Variants in SETD2 observed in about 807,000 individuals in gnomAD.
SETD2 encodes SET domain containing 2, histone lysine methyltransferase.
Under a neutral mutation model 242.1 loss-of-function variants are expected in SETD2, and 31 were observed. That is an observed-to-expected ratio of 0.13 (90% CI 0.10 to 0.17). SETD2 has a LOEUF of 0.17. SETD2 is among the 10% of genes least tolerant of loss of function. SETD2 has a pLI of 1.00. For synonymous variants in SETD2, 1,006 were observed against 1,066.5 expected, an observed-to-expected ratio of 0.94 and a Z score of 1.11; for missense variants, 2,481 against 3,046.3, an observed-to-expected ratio of 0.81 and a Z score of 4.37.
chr3:47,112,725 G>A (rs917322243), intron 5 of SETD2, among the ~76,000 whole-genome samples: 9 of 151,986 alleles, frequency 5.9e-5, no homozygotes, highest in African/African-American at 2.2e-4. Context: ...AGGTAGCTGG[G>A]ATTATAGGCG....
intron 18 of SETD2, among the ~76,000 whole-genome samples, chr3:47,023,997 T>C (rs545161922): frequency 6.6e-6 from 1 of 152,358 alleles, no homozygotes; most frequent in Non-Finnish European, 1.5e-5. Context: ...CGTATGCCTA[T>C]TTCCCTCTCT....
At chr3:47,100,577 A>T (rs1036925975) in intron 8 of SETD2, among the ~76,000 whole-genome samples, 6 of 152,230 alleles carry the variant, frequency 3.9e-5, no homozygotes, top group Non-Finnish European at 7.4e-5. Flanking sequence ...TTAAGTAGTC[A>T]TTAGAACACA....
At chr3:47,022,572 C>T (rs1421654778) in intron 18 of SETD2, among the ~76,000 whole-genome samples, 2 of 152,258 alleles carry the variant, frequency 1.3e-5, no homozygotes, top group East Asian at 3.9e-4. Flanking sequence ...CATAAAAAAG[C>T]GAGTGCTTCC....
intron 9 of SETD2, among the ~76,000 whole-genome samples, chr3:47,097,086 T>A (rs1190109978): frequency 6.6e-6 from 1 of 152,118 alleles, no homozygotes; most frequent in African/African-American, 2.4e-5. Context: ...AACAGAAAAA[T>A]TGCTGTCATC....
At chr3:47,159,510 T>A (rs1010208081) in intron 1 of SETD2, among the ~76,000 whole-genome samples, 2 of 152,200 alleles carry the variant, frequency 1.3e-5, no homozygotes, top group African/African-American at 4.8e-5. Context: ...ATTACCATCT[T>A]GGTACTGGCA....
At chr3:47,035,341 G>A (rs186088441) in intron 18 of SETD2, among the ~76,000 whole-genome samples, 1 of 152,296 alleles carries the variant, frequency 6.6e-6, no homozygotes. Flanking sequence ...TCCATCTCCA[G>A]CAGAGAGCCT....
chr3:47,100,285 T>TG (rs1559719147), intron 8 of SETD2, among the ~76,000 whole-genome samples: 1 of 150,298 alleles, frequency 6.7e-6, no homozygotes, highest in Non-Finnish European at 1.5e-5. Flanking sequence ...TTTTTTTAGA[T>TG]GGAGTCCCTC....
At position 47,122,366 on chromosome 3, in the gene SETD2, T is replaced by C. The variant is rs2043133930; in HGVS notation, c.2270A>G (p.Gln757Arg). 6.2e-7 allele frequency: 1 copy of C among 1,614,036 alleles called. No individual in the cohort carries two copies. The highest frequency in any genetic ancestry group is 1.3e-5 in the African/African-American group (1 of 74,950). ...AACTGGCATAGACATGAGTTTATCT[T>C]GGTGTGGTGACACCAGAGGTTCTGT... Reference protein sequence around the residue: ...RETEPLVSPHQDKLMSMPVMT... With the variant: ...RETEPLVSPHRDKLMSMPVMT... Residue 757 changes from glutamine (Q) to arginine (R), a missense_variant, in exon 3 of 21, where the codon CAA becomes CGA. This residue lies in a region of SETD2 where 1,300 missense variants were observed against 1,259.2 expected (regional missense o/e 1.03). Coordinates refer to ENST00000409792, the MANE Select transcript of SETD2 (RefSeq NM_014159.7).
At chr3:47,128,372 G>C (rs953235564) in intron 1 of SETD2, among the ~76,000 whole-genome samples, 3 of 152,210 alleles carry the variant, frequency 2.0e-5, no homozygotes, top group African/African-American at 7.2e-5. Context: ...TGTCTACTTG[G>C]AGAAAAGGAA....
intron 16 of SETD2, among the ~76,000 whole-genome samples, chr3:47,044,581 C>T (rs1445246553): frequency 1.3e-5 from 2 of 152,046 alleles, no homozygotes; most frequent in Non-Finnish European, 2.9e-5. Flanking sequence ...GCTGATTTGA[C>T]CATGCTATTC....
chr3:47,156,312 TGAAAAA>T (rs1415408428), intron 1 of SETD2, among the ~76,000 whole-genome samples: 1 of 152,048 alleles, frequency 6.6e-6, no homozygotes, highest in African/African-American at 2.4e-5. Flanking sequence ...GTCACTACAG[TGAAAAA>T]TGACTGAGAA....
intron 1 of SETD2, among the ~76,000 whole-genome samples, chr3:47,142,738 G>A (rs550246455): frequency 1.3e-5 from 2 of 149,476 alleles, no homozygotes; most frequent in African/African-American, 4.9e-5. Flanking sequence ...GCGCAATCTC[G>A]CTCACTGCAA....
chr3:47,072,519 G>C (rs1159496516), intron 12 of SETD2, among the ~76,000 whole-genome samples: 1 of 151,624 alleles, frequency 6.6e-6, no homozygotes, highest in Non-Finnish European at 1.5e-5. Flanking sequence ...CTGAGAAAGA[G>C]AAAAAAAGAC....
At chr3:47,117,808 G>C (rs1355150664) in intron 3 of SETD2, among the ~76,000 whole-genome samples, 1 of 152,214 alleles carries the variant, frequency 6.6e-6, no homozygotes, top group Non-Finnish European at 1.5e-5. Flanking sequence ...CCATGCCAGA[G>C]TGTGCAAAGC....
In SETD2 at chr3:47,150,332, G is replaced by A. The variant is rs1007424397; in HGVS notation, c.71+13522C>T. 2.6e-5 allele frequency among the ~76,000 whole-genome samples: 4 copies of A among 152,084 alleles called. 1 individual carries two copies. Among genetic ancestry groups the A allele is most frequent in the South Asian group, 4.2e-4 (2 of 4,812 alleles). On this transcript the variant is annotated intron_variant, in intron 1 of 20. Transcript: ENST00000409792. ...GGATTACAAGAATGAGCCACCGTGC[G>A]CGGCCTCAAAAATATCGTTTGATTT...
chr3:47,145,466 C>A, intron 1 of SETD2: 1 of 411,746 alleles, frequency 2.4e-6, no homozygotes, highest in Non-Finnish European at 5.0e-6. Flanking sequence ...ACAATCCCAG[C>A]TTGCTGCAGC....
Position 47,113,819 on chromosome 3 carries a change from A to G in SETD2, c.4715+57T>C, listed in dbSNP as rs1418488461. The G allele has an allele frequency of 1.9e-6, 3 of 1,560,506 alleles. No homozygotes were observed. In the African/African-American group the frequency reaches 4.1e-5, roughly 21 times the overall value. The stretch of plus-strand genomic sequence containing the variant: ...GTGCCACTGCACTCCAGTCTGGGTG[A>G]AAGAGTGAGACCTTGTCTCAAAAAA... On this transcript the variant is annotated intron_variant, in intron 5 of 20. Transcript: ENST00000409792.
chr3:47,058,604 G>A lies in SETD2; in HGVS notation c.6294-1114C>T, dbSNP rs184270192. ...CTCAGCAATTAAAAAAAAACCTACC[G>A]AGACACAAAATAACATAGATGAATG... On this transcript the variant is annotated intron_variant, in intron 14 of 20. Transcript: ENST00000409792. Among the ~76,000 whole-genome samples the A allele has an allele frequency of 8.1e-4, 123 of 150,938 alleles. 2 individuals carry two copies. The East Asian group carries it at 0.019, about 23-fold the overall frequency.
rs2106677106 is a variant in SETD2 at position 47,122,383 on chromosome 3, A to G, written c.2253T>C (p.Pro751=). 1 of 1,613,942 alleles carries G rather than the reference A, an allele frequency of 6.2e-7. No homozygotes were observed. Among genetic ancestry groups the G allele is most frequent in the Non-Finnish European group, 8.5e-7 (1 of 1,179,810 alleles). The change falls in exon 3 of 21, where the codon CCT becomes CCC. Residue 751 remains proline, a synonymous_variant. Transcript: ENST00000409792. ...KSESPFRETE[P]LVSPHQDKLM... is the part of the protein sequence containing the mutation. ...GTTTATCTTGGTGTGGTGACACCAGAGGTTCTGTTTCTCTAAATGGGCTTT... is the reference window on the plus strand; with the variant it reads ...GTTTATCTTGGTGTGGTGACACCAGGGGTTCTGTTTCTCTAAATGGGCTTT...
Sources: gnomAD v4.1 joint callset for allele counts (sites outside exome capture counted in the v4.1 genomes callset) on GRCh38, gnomAD v4.1.1 for gene constraint, gnomAD v4.1.1 regional missense constraint, MANE v1.5 for transcripts, NCBI Gene and HGNC (gene_info 2026-07-23, HGNC 2026-07-21) for gene names.